The following ATG4B variants were observed in gnomAD, a reference collection of about 807,000 sequenced individuals.
ATG4B encodes autophagy related 4B cysteine peptidase, also known as cysteine protease ATG4B.
Under a neutral mutation model 56.6 loss-of-function variants are expected in ATG4B, and 29 were observed. The observed-to-expected ratio is 0.51, with a 90% CI of 0.38 to 0.70. ATG4B has a LOEUF of 0.70. ATG4B is among the 30% of genes least tolerant of loss of function. The pLI, the probability that ATG4B is intolerant of heterozygous loss-of-function variation, is 0.00. For missense variants in ATG4B, 461 were observed against 515.5 expected, an observed-to-expected ratio of 0.89 and a Z score of 1.02; for synonymous variants, 224 against 206.1, an observed-to-expected ratio of 1.09 and a Z score of -0.74.
chr2:241,655,557 C>A lies in ATG4B; in HGVS notation c.458+214C>A, dbSNP rs568027684. 5.5e-3 allele frequency: 3,197 copies of A among 585,730 alleles called. 17 individuals carry two copies. The highest frequency in any genetic ancestry group is 8.4e-3 in the Non-Finnish European group (2,775 of 330,690). The allele number at this position is 585,730 out of a possible 1,614,324, so 36.3% of individuals were successfully genotyped here. ...ATGAACACCGTAGTCCACATCCTGG[C>A]TGGCACATTGGACCCTTGTTCTTTG... On this transcript the variant is annotated intron_variant, in intron 6 of 12. Transcript: ENST00000404914.
chr2:241,667,183 CCCA>C (rs2068805367), intron 8 of ATG4B, among the ~76,000 whole-genome samples: 2 of 152,204 alleles, frequency 1.3e-5, no homozygotes. Context: ...ACCCCACTCC[CCCA>C]CAGCCCTCTT....
intron 11 of ATG4B, 105 bp from the exon 12 acceptor site, chr2:241,671,207 T>G: frequency 2.1e-6 from 2 of 973,328 alleles, no homozygotes; most frequent in Non-Finnish European, 1.6e-6. Context: ...ATCAGTGAGA[T>G]GGGATGACAG....
rs138625893 is a variant in ATG4B at position 241,663,322 on chromosome 2, C to A, written c.539-3323C>A. Reference sequence around the variant, plus strand: ...ATGGAAAGATCAAAGCTACAGGGGACCCAGATAACACAACAGGCAGAGTTT... The same window carrying A: ...ATGGAAAGATCAAAGCTACAGGGGAACCAGATAACACAACAGGCAGAGTTT... On this transcript the variant is annotated intron_variant, in intron 7 of 12. Coordinates refer to ENST00000404914, the MANE Select transcript of ATG4B (RefSeq NM_013325.5). Among the ~76,000 whole-genome samples, 4 of 152,244 alleles carry A rather than the reference C, an allele frequency of 2.6e-5. No homozygotes were observed. The East Asian group carries it at 7.7e-4, about 29-fold the overall frequency.
chr2:241,643,268 G>A (rs991237730), intron 1 of ATG4B, among the ~76,000 whole-genome samples: 10 of 150,964 alleles, frequency 6.6e-5, no homozygotes, highest in Non-Finnish European at 1.3e-4. Flanking sequence ...ATGGTGTTGC[G>A]GCCTCAGCTC....
At chr2:241,657,033 A>G (rs752584823) in intron 6 of ATG4B, among the ~76,000 whole-genome samples, 12 of 146,812 alleles carry the variant, frequency 8.2e-5, no homozygotes, top group Non-Finnish European at 1.0e-4. Context: ...CAGTGGTGCA[A>G]TCTTGGGCTC....
At position 241,671,360 on chromosome 2, in the gene ATG4B, C is replaced by A. The variant is rs765547192; in HGVS notation, c.1063C>A (p.Gln355Lys). 12 of 1,613,542 alleles carry A rather than the reference C, an allele frequency of 7.4e-6. No individual in the cohort carries two copies. The highest frequency in any genetic ancestry group is 9.3e-6 in the Non-Finnish European group (11 of 1,179,820). The change falls in exon 12 of 13, where the codon CAG becomes AAG. Residue 355 changes from glutamine (Q) to lysine (K), a missense_variant. Physicochemically the swap from Gln to Lys is moderately conservative, Grantham distance 53. Coordinates refer to ENST00000404914, the MANE Select transcript of ATG4B (RefSeq NM_013325.5). ...ALPMFELVEL[Q>K]PSHLACPDVL... is the part of the protein sequence containing the mutation. ...GCCCATGTTTGAGCTGGTGGAGCTG[C>A]AGCCTTCACATCTGGCCTGCCCCGA...
chr2:241,667,988 C>G, intron 8 of ATG4B, 155 bp from the exon 9 acceptor site: 1 of 665,736 alleles, frequency 1.5e-6, no homozygotes, highest in Non-Finnish European at 2.5e-6. Flanking sequence ...TGTGGTCTTT[C>G]CTGGACAGTA....
chr2:241,643,941 A>G (rs1030234994), intron 1 of ATG4B, among the ~76,000 whole-genome samples: 7 of 152,164 alleles, frequency 4.6e-5, no homozygotes, highest in African/African-American at 1.4e-4. Flanking sequence ...ATGATGTGGC[A>G]CGGGAAGATG....
Position 241,672,571 on chromosome 2 carries a change from T to C in ATG4B, c.*307T>C, listed in dbSNP as rs900232428. On this transcript the variant is annotated 3_prime_UTR_variant, in exon 13 of 13. Coordinates refer to ENST00000404914, the MANE Select transcript of ATG4B (RefSeq NM_013325.5). ...TTAGCACCTGGGCCTCAGTCCCACT[T>C]GCTCCCAGGCGCCGGTTCTGTGGTT... 1.0e-4 allele frequency: 41 copies of C among 410,342 alleles called. No homozygotes were observed. The highest frequency in any genetic ancestry group is 8.2e-4 in the African/African-American group (41 of 49,956). 25.4% of individuals were successfully genotyped at this position (410,342 alleles called of 1,614,324 possible). A position where few individuals can be genotyped will look rare whatever the true frequency, so the allele number is the denominator to read the frequency against.
intron 3 of ATG4B, chr2:241,652,160 C>G (rs2068246645): frequency 2.9e-6 from 1 of 340,908 alleles, no homozygotes; most frequent in Non-Finnish European, 5.8e-6. Flanking sequence ...TTTAATGATA[C>G]ACCTTGTGAG....
In ATG4B at chr2:241,673,812, G is replaced by A. The variant is rs536791241; in HGVS notation, c.*1548G>A. On this transcript the variant is annotated 3_prime_UTR_variant, in exon 13 of 13. Coordinates refer to ENST00000404914, the MANE Select transcript of ATG4B (RefSeq NM_013325.5). ...AATGTTGTTCATTCTTAGTAGTATA[G>A]TTTGCAATTCTTAATGGCAAATAAT... 2.7e-5 allele frequency: 12 copies of A among 437,288 alleles called. No individual in the cohort carries two copies. The highest frequency in any genetic ancestry group is 2.4e-4 in the African/African-American group (12 of 49,712). 27.1% of individuals were successfully genotyped at this position (437,288 alleles called of 1,614,324 possible).
chr2:241,644,617 G>T (rs2068007045), intron 1 of ATG4B, among the ~76,000 whole-genome samples: 2 of 152,036 alleles, frequency 1.3e-5, no homozygotes, highest in Admixed American at 6.6e-5. Flanking sequence ...TGTAGCTATC[G>T]AGCAGGCTGT....
intron 1 of ATG4B, among the ~76,000 whole-genome samples, 200 bp downstream of exon 1, chr2:241,637,924 C>T (rs1446998549): frequency 6.6e-6 from 1 of 151,430 alleles, no homozygotes; most frequent in Non-Finnish European, 1.5e-5. Context: ...GACGGCGGCG[C>T]ACTGCGCCGC....
chr2:241,643,273 C>T (rs185507535), intron 1 of ATG4B, among the ~76,000 whole-genome samples: 1 of 151,916 alleles, frequency 6.6e-6, no homozygotes, highest in Admixed American at 6.6e-5. Context: ...GTTGCGGCCT[C>T]AGCTCATTGC....
At chr2:241,666,998 C>T (rs954920321) in intron 8 of ATG4B, among the ~76,000 whole-genome samples, 160 bp downstream of exon 8, 3 of 152,196 alleles carry the variant, frequency 2.0e-5, no homozygotes, top group African/African-American at 7.2e-5. Context: ...GGTGAGTGGG[C>T]GTGAGGCACG....
chr2:241,653,455 TTGTGGCC>T, intron 3 of ATG4B, 50 bp from the exon 4 acceptor site: 1 of 1,551,984 alleles, frequency 6.4e-7, no homozygotes. Context: ...GCCAGTGGGC[TTGTGGCC>T]TGTGGGGCCA....
chr2:241,658,871 T>C (rs966012975), intron 6 of ATG4B, among the ~76,000 whole-genome samples: 2 of 152,206 alleles, frequency 1.3e-5, no homozygotes, highest in African/African-American at 4.8e-5. Context: ...GTGTGCTCTC[T>C]ATGAATGGAG....
chr2:241,659,449 A>G (rs892742583), intron 7 of ATG4B: 12 of 536,110 alleles, frequency 2.2e-5, no homozygotes, highest in African/African-American at 2.1e-4. Context: ...TCTTGGTTAC[A>G]AATCGTTTAT....
chr2:241,670,655 A>G lies in ATG4B; in HGVS notation c.958-71A>G, dbSNP rs915815234. On this transcript the variant is annotated intron_variant, in intron 10 of 12. Transcript: ENST00000404914. ...CTCTGCTGCGCCACTGGCAGTGGGA[A>G]TGGAAGCCCCCACCTCTTAGCCGAC... 4.3e-6 allele frequency: 6 copies of G among 1,382,788 alleles called. No individual in the cohort carries two copies. In the African/African-American group the frequency reaches 8.6e-5, roughly 20 times the overall value. 85.7% of individuals were successfully genotyped at this position (1,382,788 alleles called of 1,614,324 possible).
Sources: allele counts gnomAD v4.1 joint callset (sites outside exome capture counted in the v4.1 genomes callset), GRCh38; gene constraint gnomAD v4.1.1; transcripts MANE v1.5; gene names NCBI Gene and HGNC (gene_info 2026-07-23, HGNC 2026-07-21).